The following SCFD1 variants were observed in gnomAD, a reference collection of about 807,000 sequenced individuals.
SCFD1 encodes sec1 family domain containing 1.
A neutral mutation model predicts 103.2 loss-of-function variants in SCFD1; 37 were observed. The ratio of observed to expected loss-of-function variants is 0.36; its 90% confidence interval spans 0.28 to 0.47. The LOEUF is 0.47. SCFD1 is among the 20% of genes least tolerant of loss of function. SCFD1 has a pLI of 1.00. For missense variants in SCFD1, 639 were observed against 761.2 expected, an observed-to-expected ratio of 0.84 and a Z score of 1.89; for synonymous variants, 264 against 245.0, an observed-to-expected ratio of 1.08 and a Z score of -0.73.
chr14:30,735,265 G>A (rs1230369096), intron 24 of SCFD1, among the ~76,000 whole-genome samples: 3 of 151,890 alleles, frequency 2.0e-5, no homozygotes, highest in African/African-American at 4.8e-5. Flanking sequence ...CTATGACGAC[G>A]TTTATTGCAA....
chr14:30,653,596 A>G lies in SCFD1; in HGVS notation c.855+8A>G, dbSNP rs765028810. The G allele has an allele frequency of 1.3e-6, 2 of 1,557,480 alleles. No homozygotes were observed. Among genetic ancestry groups the G allele is most frequent in the Non-Finnish European group, 1.8e-6 (2 of 1,131,134 alleles). ...TTGGTGCACGATGTACTGGTAAGAG[A>G]CTAAATGCAGCACTTATTACTGAAA... On this transcript the variant is annotated splice_region_variant and intron_variant, in intron 10 of 24. Coordinates refer to ENST00000458591, the MANE Select transcript of SCFD1 (RefSeq NM_016106.4).
At chr14:30,631,277 C>T (rs141980785) in intron 3 of SCFD1, among the ~76,000 whole-genome samples, 3,804 of 152,118 alleles carry the variant, frequency 0.025, 152 homozygotes, top group African/African-American at 0.084. Flanking sequence ...CACTTGAACC[C>T]GGGAGGCAGA....
intron 4 of SCFD1, among the ~76,000 whole-genome samples, chr14:30,635,357 A>C (rs1036871025): frequency 2.0e-5 from 3 of 152,158 alleles, no homozygotes. Context: ...CCATCACCAC[A>C]GTCAATTTTA....
At chr14:30,714,726 A>ACAAT (rs760373758) in intron 19 of SCFD1, among the ~76,000 whole-genome samples, 2 of 152,194 alleles carry the variant, frequency 1.3e-5, no homozygotes, top group Non-Finnish European at 2.9e-5. Flanking sequence ...TGATCTATAA[A>ACAAT]CAATCAGATT....
chr14:30,635,329 A>G (rs1228585278), intron 4 of SCFD1, among the ~76,000 whole-genome samples: 1 of 152,176 alleles, frequency 6.6e-6, no homozygotes, highest in Non-Finnish European at 1.5e-5. Context: ...TTTTTAATAT[A>G]GTCACAGAGT....
In SCFD1 at chr14:30,673,344, T is replaced by A. The variant is rs1453248760; in HGVS notation, c.1083T>A (p.Ile361=). ...QEDEVKRLKS[I]MGLEGEDEGA... The stretch of plus-strand genomic sequence containing the variant: ...ATGAGGTCAAACGACTTAAAAGCAT[T>A]ATGGTAAGATTCTATTTGCTTTCTA... The change falls in exon 12 of 25, where the codon ATT becomes ATA. Residue 361 remains isoleucine, a synonymous_variant. Transcript: ENST00000458591. 1 of 1,489,268 alleles carries A rather than the reference T, an allele frequency of 6.7e-7. No homozygotes were observed. Among genetic ancestry groups the A allele is most frequent in the East Asian group, 2.3e-5 (1 of 43,766 alleles). The allele number at this position is 1,489,268 out of a possible 1,614,324, so 92.3% of individuals were successfully genotyped here.
At position 30,702,438 on chromosome 14, in the gene SCFD1, C is replaced by T. The variant is rs1329652043; in HGVS notation, c.1490+63C>T. On this transcript the variant is annotated intron_variant, in intron 17 of 24. Coordinates refer to ENST00000458591, the MANE Select transcript of SCFD1 (RefSeq NM_016106.4). ...AAGAGTACAATTGAGGCTTCATTCC[C>T]AAGAAAATGGGAATGCTAATAAGAA... The T allele has an allele frequency of 1.7e-5, 17 of 992,042 alleles. 2 individuals carry two copies. The South Asian group carries it at 2.7e-4, about 16-fold the overall frequency. The allele number at this position is 992,042 out of a possible 1,614,324, so 61.5% of individuals were successfully genotyped here.
chr14:30,627,691 C>T (rs1416934544), intron 1 of SCFD1, among the ~76,000 whole-genome samples: 3 of 147,200 alleles, frequency 2.0e-5, no homozygotes, highest in East Asian at 4.0e-4. Flanking sequence ...TGTGGTGAGC[C>T]GAGATCACGC....
At chr14:30,670,210 T>C (rs1302771406) in intron 10 of SCFD1, 46 bp from the exon 11 acceptor site, 1 of 1,457,148 alleles carries the variant, frequency 6.9e-7, no homozygotes, top group Non-Finnish European at 9.3e-7. Context: ...TCTATTTTTA[T>C]TAGACTTAGA....
chr14:30,699,149 A>G (rs1890903030), intron 15 of SCFD1, among the ~76,000 whole-genome samples: 1 of 152,168 alleles, frequency 6.6e-6, no homozygotes, highest in Non-Finnish European at 1.5e-5. Context: ...CCCAAATACA[A>G]TATTTATTTG....
chr14:30,692,325 A>G (rs1890374198), intron 14 of SCFD1, among the ~76,000 whole-genome samples: 2 of 152,200 alleles, frequency 1.3e-5, no homozygotes, highest in African/African-American at 4.8e-5. Flanking sequence ...AGAAAGACAC[A>G]TAAACAAAGG....
At chr14:30,732,835 TTGAC>T (rs575964866) in intron 23 of SCFD1, among the ~76,000 whole-genome samples, 145 of 152,318 alleles carry the variant, frequency 9.5e-4, no homozygotes, top group Middle Eastern at 3.4e-3. Context: ...AAAAAATAAT[TTGAC>T]TGATTTTATC....
At chr14:30,725,856 A>G (rs1893005563) in intron 23 of SCFD1, among the ~76,000 whole-genome samples, 1 of 152,204 alleles carries the variant, frequency 6.6e-6, no homozygotes, top group African/African-American at 2.4e-5. Context: ...AGGGAATATG[A>G]CAGAAACCAG....
At chr14:30,629,253 A>G (rs1212193777) in intron 2 of SCFD1, among the ~76,000 whole-genome samples, 5 of 152,192 alleles carry the variant, frequency 3.3e-5, no homozygotes, top group Non-Finnish European at 5.9e-5. Context: ...TGAAAGATGC[A>G]ACGTGAACCT....
chr14:30,712,958 A>G (rs1355352507), intron 19 of SCFD1, among the ~76,000 whole-genome samples: 5 of 152,226 alleles, frequency 3.3e-5, no homozygotes, highest in African/African-American at 9.6e-5. Flanking sequence ...CTAAAGACAC[A>G]TAAGTAACAC....
At chr14:30,648,772 C>T (rs1308208682) in intron 7 of SCFD1, among the ~76,000 whole-genome samples, 1 of 152,084 alleles carries the variant, frequency 6.6e-6, no homozygotes, top group South Asian at 2.1e-4. Context: ...AGGCACACAC[C>T]ACCATGCCCA....
At chr14:30,676,694 G>A (rs761953521) in intron 14 of SCFD1, 3 of 151,584 alleles carry the variant, frequency 2.0e-5, no homozygotes, top group African/African-American at 4.8e-5. Flanking sequence ...AAGAGTGATG[G>A]TAGAATATGG....
chr14:30,638,633 TA>T (rs1029155939), intron 5 of SCFD1, among the ~76,000 whole-genome samples: 8 of 152,192 alleles, frequency 5.3e-5, no homozygotes, highest in African/African-American at 1.7e-4. Flanking sequence ...TATTTCCAGA[TA>T]TTTTTTTTAC....
intron 10 of SCFD1, among the ~76,000 whole-genome samples, chr14:30,665,439 T>G (rs908062968): frequency 1.3e-5 from 2 of 152,100 alleles, no homozygotes; most frequent in African/African-American, 2.4e-5. Context: ...TGCAAAAACA[T>G]GCCAAATTGT....
Sources: allele counts gnomAD v4.1 joint callset (sites outside exome capture counted in the v4.1 genomes callset), GRCh38; gene constraint gnomAD v4.1.1; transcripts MANE v1.5; gene names NCBI Gene and HGNC (gene_info 2026-07-23, HGNC 2026-07-21).